GRIK4: variants seen among roughly 807,000 people sequenced by gnomAD.
GRIK4 encodes glutamate receptor ionotropic, kainate 4.
Under a neutral mutation model 104.9 loss-of-function variants are expected in GRIK4, and 40 were observed. That is an observed-to-expected ratio of 0.38 (90% CI 0.30 to 0.50). The LOEUF (loss-of-function observed/expected upper bound fraction) is 0.50, where lower values mean the gene tolerates loss of function less well. Ranked by LOEUF, GRIK4 falls within the 20% of genes least tolerant of loss-of-function variation. The probability of loss-of-function intolerance (pLI) is 0.93; values close to 1 mark genes in which losing one functional copy is unlikely to be tolerated. For synonymous variants in GRIK4, 485 were observed against 524.9 expected (o/e 0.92, Z 1.04); for missense variants, 1,047 against 1,308.1 (o/e 0.80, Z 3.08).
chr11:120,819,940 C>A lies in GRIK4; in HGVS notation c.511+20C>A. 1 of 1,611,982 alleles carries A rather than the reference C, an allele frequency of 6.2e-7. No individual in the cohort carries two copies. The highest frequency in any genetic ancestry group is 1.1e-5 in the South Asian group (1 of 90,910). On this transcript the variant is annotated intron_variant, in intron 6 of 20. Coordinates refer to ENST00000527524, the MANE Select transcript of GRIK4 (RefSeq NM_014619.5). This position sits in a 1 kb window ranked among gnomAD's most constrained non-coding sequence, Gnocchi z 4.3. ...CAGAATGTAAGTTTCCCCAGGCTGG[C>A]TCTGCCCCAGACAGTCCAGTCTTGT...
chr11:120,841,743 G>A (rs1462139889), intron 8 of GRIK4, among the ~76,000 whole-genome samples: 1 of 152,098 alleles, frequency 6.6e-6, no homozygotes, highest in African/African-American at 2.4e-5. Flanking sequence ...AATGTACAAA[G>A]GTCCCGGTTT....
intron 1 of GRIK4, among the ~76,000 whole-genome samples, chr11:120,618,883 C>T (rs1214044431): frequency 6.6e-6 from 1 of 152,184 alleles, no homozygotes; most frequent in Admixed American, 6.5e-5. Flanking sequence ...AGGGTTGGAG[C>T]CCTCATGGAG....
intron 11 of GRIK4, among the ~76,000 whole-genome samples, chr11:120,878,689 A>G (rs1954884281): frequency 6.8e-6 from 1 of 148,114 alleles, no homozygotes; most frequent in African/African-American, 2.5e-5. Context: ...GTGAGTACCA[A>G]GCAAAAACTG....
At chr11:120,872,630 CTG>C (rs1394746302) in intron 9 of GRIK4, 3 of 153,436 alleles carry the variant, frequency 2.0e-5, no homozygotes, top group Non-Finnish European at 4.4e-5. Context: ...TAATGGGACT[CTG>C]TGTGGACTTC....
intron 1 of GRIK4, among the ~76,000 whole-genome samples, chr11:120,528,461 C>G (rs1056746696): frequency 6.6e-6 from 1 of 152,136 alleles, no homozygotes; most frequent in Admixed American, 6.5e-5. Context: ...TCCTGTCACC[C>G]CTGTTTGACT....
intron 7 of GRIK4, among the ~76,000 whole-genome samples, chr11:120,832,538 G>A (rs1250839825): frequency 2.6e-5 from 4 of 152,218 alleles, no homozygotes; most frequent in Non-Finnish European, 5.9e-5. Flanking sequence ...AATGACATGA[G>A]GTAGGTATAA....
chr11:120,928,122 G>A (rs754073927), intron 13 of GRIK4, among the ~76,000 whole-genome samples: 1 of 151,310 alleles, frequency 6.6e-6, no homozygotes, highest in Non-Finnish European at 1.5e-5. Context: ...GGCTGAGGCA[G>A]GAGAATGGCT....
chr11:120,767,476 A>G (rs1046258541), intron 3 of GRIK4, among the ~76,000 whole-genome samples: 1 of 152,142 alleles, frequency 6.6e-6, no homozygotes, highest in African/African-American at 2.4e-5. Flanking sequence ...TGGTTTGCAC[A>G]TATTTTTTTT....
intron 1 of GRIK4, among the ~76,000 whole-genome samples, chr11:120,600,634 A>T (rs1021486578): frequency 2.6e-5 from 4 of 152,232 alleles, no homozygotes; most frequent in African/African-American, 9.6e-5. Context: ...CCCACCAGGA[A>T]GATCTTCAGG....
chr11:120,717,177 G>T lies in GRIK4; in HGVS notation c.82+56777G>T, dbSNP rs1448425887. 3.9e-5 allele frequency among the ~76,000 whole-genome samples: 6 copies of T among 152,172 alleles called. No homozygotes were observed. The South Asian group carries it at 1.0e-3, about 26-fold the overall frequency. ...GCTCATCGCGGAACTGGTTGCCTTT[G>T]GTCACCTTAGTGTGAGCCTCAGGCT... On this transcript the variant is annotated intron_variant, in intron 3 of 20. Coordinates refer to ENST00000527524, the MANE Select transcript of GRIK4 (RefSeq NM_014619.5).
chr11:120,579,621 T>C (rs182480356), intron 1 of GRIK4, among the ~76,000 whole-genome samples: 2 of 152,268 alleles, frequency 1.3e-5, no homozygotes, highest in East Asian at 1.9e-4. Flanking sequence ...GGATAAATCA[T>C]AGGAGAGGAA....
intron 3 of GRIK4, among the ~76,000 whole-genome samples, chr11:120,767,219 C>G (rs1160599975): frequency 2.0e-5 from 3 of 152,080 alleles, no homozygotes; most frequent in African/African-American, 7.2e-5. Flanking sequence ...CACTTGTTAT[C>G]TTTTGTCTAT....
chr11:120,846,666 G>A (rs778040577), intron 8 of GRIK4, among the ~76,000 whole-genome samples: 2 of 152,318 alleles, frequency 1.3e-5, no homozygotes, highest in East Asian at 1.9e-4. Flanking sequence ...TGGAATTGGC[G>A]TCAGTAGGCC....
intron 8 of GRIK4, among the ~76,000 whole-genome samples, chr11:120,849,144 G>A (rs577957557): frequency 1.3e-5 from 2 of 152,204 alleles, no homozygotes; most frequent in East Asian, 3.9e-4. Flanking sequence ...CGCATTGCTT[G>A]TATCTGCCCC....
intron 5 of GRIK4, among the ~76,000 whole-genome samples, chr11:120,816,802 G>A (rs1328553200): frequency 1.3e-5 from 2 of 152,066 alleles, no homozygotes; most frequent in Non-Finnish European, 2.9e-5. Context: ...CAGTAGCTGG[G>A]CCTCTCTCTG....
At chr11:120,931,804 A>G (rs949468400) in intron 13 of GRIK4, among the ~76,000 whole-genome samples, 2 of 152,158 alleles carry the variant, frequency 1.3e-5, no homozygotes, top group Non-Finnish European at 2.9e-5. Context: ...CACTGTAGAA[A>G]ATACTTCAGG....
chr11:120,931,223 G>C (rs371145031), intron 13 of GRIK4, among the ~76,000 whole-genome samples: 1 of 152,194 alleles, frequency 6.6e-6, no homozygotes, highest in Non-Finnish European at 1.5e-5. Flanking sequence ...GGTCAGAGCA[G>C]GTGGAGGGAA....
At chr11:120,935,925 G>C (rs541692713) in intron 13 of GRIK4, among the ~76,000 whole-genome samples, 1 of 152,088 alleles carries the variant, frequency 6.6e-6, no homozygotes, top group Non-Finnish European at 1.5e-5. Flanking sequence ...CAAATCCTAC[G>C]TAGCCTTACA....
chr11:120,818,023 T>G (rs1289091803), intron 5 of GRIK4, among the ~76,000 whole-genome samples: 1 of 152,222 alleles, frequency 6.6e-6, no homozygotes, highest in East Asian at 1.9e-4. Context: ...GTTAAGTGGT[T>G]TATCTGAAAA....
Sources: allele counts gnomAD v4.1 joint callset (sites outside exome capture counted in the v4.1 genomes callset), GRCh38; gene constraint gnomAD v4.1.1; non-coding constraint Gnocchi (gnomAD v3.1); transcripts MANE v1.5; gene names NCBI Gene and HGNC (gene_info 2026-07-23, HGNC 2026-07-21).